The following SLC25A26 variants were observed in gnomAD, a reference collection of about 807,000 sequenced individuals.
SLC25A26 encodes the protein mitochondrial S-adenosylmethionine carrier protein.
Under a neutral mutation model 37.8 loss-of-function variants are expected in SLC25A26, and 36 were observed. That is an observed-to-expected ratio of 0.95 (90% CI 0.73 to 1.26). The LOEUF (loss-of-function observed/expected upper bound fraction) is 1.26. Among genes scored for constraint, SLC25A26 ranks in the 50% most tolerant of loss-of-function variants. The pLI is 0.00. For synonymous variants in SLC25A26, 129 were observed against 122.5 expected (o/e 1.05, Z -0.35); for missense variants, 390 against 331.1 (o/e 1.18, Z -1.38).
chr3:66,167,149 A>C (rs962664302), intron 1 of SLC25A26, among the ~76,000 whole-genome samples: 1 of 152,134 alleles, frequency 6.6e-6, no homozygotes, highest in African/African-American at 2.4e-5. Context: ...TCCATTTATC[A>C]CCAGTGTGAA....
intron 5 of SLC25A26, among the ~76,000 whole-genome samples, chr3:66,305,499 CA>C (rs1425303865): frequency 6.6e-6 from 1 of 152,110 alleles, no homozygotes; most frequent in Admixed American, 6.5e-5. Flanking sequence ...GTAGGATATG[CA>C]GCTTTGTTAC....
intron 1 of SLC25A26, among the ~76,000 whole-genome samples, chr3:66,171,340 T>A (rs2106732792): frequency 6.6e-6 from 1 of 152,304 alleles, no homozygotes; most frequent in South Asian, 2.1e-4. Flanking sequence ...ATGATTTTGG[T>A]TATGATGCTG....
rs146861731 is a variant in SLC25A26 at position 66,257,597 on chromosome 3, C to CT, written c.301-4448dup. ...CATGGGCTCGGGCCTCTGACTCTACCTTTTTTCATTTCCTGTGGGGTCTTC... is the reference window on the plus strand; with the variant it reads ...CATGGGCTCGGGCCTCTGACTCTACCTTTTTTTCATTTCCTGTGGGGTCTTC... On this transcript the variant is annotated intron_variant, in intron 3 of 9. Coordinates refer to ENST00000354883, the MANE Select transcript of SLC25A26 (RefSeq NM_001379210.1). Among the ~76,000 whole-genome samples, 450 of 152,226 alleles carry CT rather than the reference C, an allele frequency of 3.0e-3. 3 individuals are homozygous for CT. Among genetic ancestry groups the CT allele is most frequent in the East Asian group, 0.016 (84 of 5,170 alleles).
intron 5 of SLC25A26, among the ~76,000 whole-genome samples, chr3:66,331,611 C>T (rs1474991959): frequency 6.6e-6 from 1 of 152,052 alleles, no homozygotes; most frequent in Non-Finnish European, 1.5e-5. Context: ...TTTTAACTTG[C>T]AGTTTGTTAT....
At chr3:66,300,632 T>C (rs2075050251) in intron 5 of SLC25A26, among the ~76,000 whole-genome samples, 1 of 152,162 alleles carries the variant, frequency 6.6e-6, no homozygotes, top group Non-Finnish European at 1.5e-5. Context: ...GATAATGTCA[T>C]GGTTTCTGCA....
At chr3:66,246,009 C>G (rs533532840) in intron 3 of SLC25A26, among the ~76,000 whole-genome samples, 28 of 152,292 alleles carry the variant, frequency 1.8e-4, no homozygotes, top group African/African-American at 6.5e-4. Flanking sequence ...CACTGGTCTA[C>G]TTTCTATCTC....
chr3:66,241,170 C>G (rs1362438054), intron 2 of SLC25A26, among the ~76,000 whole-genome samples: 1 of 152,018 alleles, frequency 6.6e-6, no homozygotes, highest in Admixed American at 6.6e-5. Context: ...TGTAAGTGGA[C>G]CTGTGCGTTT....
At chr3:66,255,080 G>T (rs2073247837) in intron 3 of SLC25A26, among the ~76,000 whole-genome samples, 1 of 152,152 alleles carries the variant, frequency 6.6e-6, no homozygotes, top group South Asian at 2.1e-4. Flanking sequence ...AAGTGAGGCC[G>T]AAGTTCACTG....
intron 1 of SLC25A26, among the ~76,000 whole-genome samples, chr3:66,234,864 A>C (rs963494923): frequency 6.6e-6 from 1 of 152,142 alleles, no homozygotes; most frequent in African/African-American, 2.4e-5. Flanking sequence ...GTGTATTTTT[A>C]CTTTTTGAAT....
At chr3:66,366,686 A>G (rs1263806651) in intron 7 of SLC25A26, among the ~76,000 whole-genome samples, 1 of 152,246 alleles carries the variant, frequency 6.6e-6, no homozygotes, top group East Asian at 1.9e-4. Context: ...GATGTTCCTT[A>G]TCAACCTTTA....
intron 1 of SLC25A26, among the ~76,000 whole-genome samples, chr3:66,211,691 C>T (rs1057121714): frequency 6.8e-4 from 104 of 152,286 alleles, no homozygotes; most frequent in African/African-American, 2.3e-3. Flanking sequence ...TTGCATATGT[C>T]AGCTTTTCTG....
At chr3:66,351,682 GTCT>G (rs974088026) in intron 6 of SLC25A26, among the ~76,000 whole-genome samples, 4 of 152,068 alleles carry the variant, frequency 2.6e-5, no homozygotes, top group Non-Finnish European at 5.9e-5. Flanking sequence ...GTTTTTATTT[GTCT>G]TCTTCCCAAT....
At chr3:66,377,080 G>A (rs1374016979) in intron 9 of SLC25A26, among the ~76,000 whole-genome samples, 3 of 152,146 alleles carry the variant, frequency 2.0e-5, no homozygotes, top group Non-Finnish European at 2.9e-5. Context: ...TTTAAAGAAT[G>A]AATCCCCAAT....
intron 5 of SLC25A26, among the ~76,000 whole-genome samples, chr3:66,269,972 A>G (rs1427164703): frequency 6.6e-6 from 1 of 152,158 alleles, no homozygotes; most frequent in Admixed American, 6.5e-5. Context: ...CACAGTGAGC[A>G]CTCAGTGAAT....
chr3:66,368,457 T>C (rs968331615), intron 7 of SLC25A26, among the ~76,000 whole-genome samples: 3 of 151,956 alleles, frequency 2.0e-5, no homozygotes, highest in Non-Finnish European at 4.4e-5. Context: ...AACGCAAACA[T>C]GAGAGAGAAG....
intron 5 of SLC25A26, among the ~76,000 whole-genome samples, chr3:66,340,907 A>G (rs2076195083): frequency 6.6e-6 from 1 of 151,776 alleles, no homozygotes; most frequent in Non-Finnish European, 1.5e-5. Flanking sequence ...GTCGTTTTTC[A>G]TTTATTTGCT....
intron 1 of SLC25A26, among the ~76,000 whole-genome samples, chr3:66,150,524 GAT>G (rs57194947): frequency 0.49 from 50,925 of 103,504 alleles, 12,654 homozygotes; most frequent in Middle Eastern, 0.58. Flanking sequence ...TATATATAAT[GAT>G]ATATATATAT....
rs537930119 is a variant in SLC25A26, at chr3:66,299,401, G to T, written c.453+36022G>T. 6.5e-4 allele frequency among the ~76,000 whole-genome samples: 99 copies of T among 152,200 alleles called. 1 individual carries two copies. The South Asian group carries it at 0.013, about 21-fold the overall frequency. ...GACTGGGTTTTGCTGTGTTGGCCAG[G>T]CTGGTCTTGAAGTCCTGGCCTCAAG... On this transcript the variant is annotated intron_variant, in intron 5 of 9. Transcript: ENST00000354883.
At chr3:66,235,550 A>G (rs2107013064) in intron 1 of SLC25A26, among the ~76,000 whole-genome samples, 1 of 152,340 alleles carries the variant, frequency 6.6e-6, no homozygotes, top group East Asian at 1.9e-4. Flanking sequence ...ATGAGTCCTT[A>G]GATGTGTGAT....
Sources: allele counts gnomAD v4.1 joint callset (sites outside exome capture counted in the v4.1 genomes callset), GRCh38; gene constraint gnomAD v4.1.1; transcripts MANE v1.5; gene names NCBI Gene and HGNC (gene_info 2026-07-23, HGNC 2026-07-21).